CAMKK2: variants seen among roughly 807,000 people sequenced by gnomAD.
CAMKK2 encodes the protein calcium/calmodulin dependent protein kinase kinase 2.
A neutral mutation model predicts 67.2 loss-of-function variants in CAMKK2; 30 were observed. The ratio of observed to expected loss-of-function variants is 0.45; its 90% CI spans 0.33 to 0.61. CAMKK2 has a LOEUF of 0.61. CAMKK2 is among the 20% of genes least tolerant of loss of function. The pLI, the probability that CAMKK2 is intolerant of heterozygous loss-of-function variation, is 0.02. For synonymous variants in CAMKK2, 322 were observed against 326.2 expected, an observed-to-expected ratio of 0.99 and a Z score of 0.14; for missense variants, 643 against 802.0, an observed-to-expected ratio of 0.80 and a Z score of 2.39.
chr12:121,252,034 G>A (rs367794113), intron 11 of CAMKK2, among the ~76,000 whole-genome samples: 73 of 152,252 alleles, frequency 4.8e-4, no homozygotes, highest in Middle Eastern at 3.4e-3. Flanking sequence ...CAGGAGGAAC[G>A]AGCACAGTTA....
intron 1 of CAMKK2, among the ~76,000 whole-genome samples, chr12:121,281,646 A>G (rs1409267653): frequency 6.6e-6 from 1 of 152,228 alleles, no homozygotes; most frequent in Non-Finnish European, 1.5e-5. Context: ...GGGGACCAAC[A>G]TTTAAAAGTA....
chr12:121,255,687 T>C (rs1359303360), intron 8 of CAMKK2, 49 bp from the exon 9 acceptor site: 1 of 1,608,890 alleles, frequency 6.2e-7, no homozygotes, highest in Admixed American at 1.7e-5. Flanking sequence ...CGCCAGCCCT[T>C]GCCCTCTCTC....
intron 1 of CAMKK2, among the ~76,000 whole-genome samples, chr12:121,280,776 G>A (rs1897629242): frequency 6.6e-6 from 1 of 152,086 alleles, no homozygotes; most frequent in Admixed American, 6.6e-5. Context: ...ATTAGGAAGG[G>A]GAAATTCCCA....
At position 121,237,759 on chromosome 12, in the gene CAMKK2, G is replaced by A. The variant is rs199798791; in HGVS notation, c.*2940C>T. 2 of 152,554 alleles carry A rather than the reference G, an allele frequency of 1.3e-5. No individual in the cohort carries two copies. Among genetic ancestry groups the A allele is most frequent in the East Asian group, 1.9e-4 (1 of 5,200 alleles). The allele number at this position is 152,554 out of a possible 1,614,324, so 9.5% of individuals were successfully genotyped here. A position where few individuals can be genotyped will look rare whatever the true frequency, so the allele number is the denominator to read the frequency against. Reference sequence around the variant, plus strand: ...AGCTTAAACACCTGTGGAAAAACACGAAAGGCTTAGTTGTCTCTTAAGTTC... The same window carrying A: ...AGCTTAAACACCTGTGGAAAAACACAAAAGGCTTAGTTGTCTCTTAAGTTC... On this transcript the variant is annotated 3_prime_UTR_variant, in exon 17 of 17. Transcript: ENST00000404169. The surrounding 1 kb of genome is among the most constrained non-coding windows in gnomAD (Gnocchi z 4.5).
At chr12:121,271,355 A>G (rs1895728954) in intron 2 of CAMKK2, among the ~76,000 whole-genome samples, 1 of 151,512 alleles carries the variant, frequency 6.6e-6, no homozygotes. Context: ...CAAATCAAGA[A>G]AGAGAACATC....
Position 121,285,627 on chromosome 12 carries a change from G to A in CAMKK2, c.-60+11011C>T, listed in dbSNP as rs955554180. Among the ~76,000 whole-genome samples the A allele has an allele frequency of 1.3e-5, 2 of 152,094 alleles. No individual in the cohort carries two copies. The highest frequency in any genetic ancestry group is 2.9e-5 in the Non-Finnish European group (2 of 68,010). ...AGTTTGAGACCAGCCTGGGCAACAT[G>A]GCGAGACCTCATCGCTACAAAAATA... On this transcript the variant is annotated intron_variant, in intron 1 of 16. Coordinates refer to ENST00000404169, the MANE Select transcript of CAMKK2 (RefSeq NM_001270485.2). The surrounding 1 kb of genome is among the most constrained non-coding windows in gnomAD (Gnocchi z 4.1).
chr12:121,246,855 A>G (rs1355637315), intron 14 of CAMKK2, among the ~76,000 whole-genome samples: 1 of 128,896 alleles, frequency 7.8e-6, no homozygotes, highest in Non-Finnish European at 1.6e-5. Flanking sequence ...GAGAGCAGGC[A>G]CTGGGCTAAG....
chr12:121,283,491 C>G (rs1411200573), intron 1 of CAMKK2, among the ~76,000 whole-genome samples: 1 of 152,160 alleles, frequency 6.6e-6, no homozygotes, highest in Non-Finnish European at 1.5e-5. Context: ...TGTGTGACAT[C>G]TGGCCACCGA....
At chr12:121,292,088 A>C (rs1442850167) in intron 1 of CAMKK2, among the ~76,000 whole-genome samples, 1 of 151,960 alleles carries the variant, frequency 6.6e-6, no homozygotes, top group Non-Finnish European at 1.5e-5. Context: ...AACAAAATAA[A>C]ATAAAATGGT....
At chr12:121,295,450 G>A (rs1788702606) in intron 1 of CAMKK2, among the ~76,000 whole-genome samples, 1 of 152,104 alleles carries the variant, frequency 6.6e-6, no homozygotes, top group Non-Finnish European at 1.5e-5. Context: ...GAAGAGGGTG[G>A]CTAACTCCCC....
rs1416620736 is a variant in CAMKK2, at chr12:121,245,926, T to C, written c.1453-686A>G. Among the ~76,000 whole-genome samples the C allele has an allele frequency of 6.6e-6, 1 of 152,076 alleles. No homozygotes were observed. Among genetic ancestry groups the C allele is most frequent in the African/African-American group, 2.4e-5 (1 of 41,406 alleles). ...TGTGCAATGGAACATGATTCAGCCATAAGGAGTGAAGCACTGATCCATGCT... is the reference window on the plus strand; with the variant it reads ...TGTGCAATGGAACATGATTCAGCCACAAGGAGTGAAGCACTGATCCATGCT... On this transcript the variant is annotated intron_variant, in intron 14 of 16. Coordinates refer to ENST00000404169, the MANE Select transcript of CAMKK2 (RefSeq NM_001270485.2). The surrounding 1 kb of genome is among the most constrained non-coding windows in gnomAD (Gnocchi z 5.8).
At chr12:121,244,116 C>T (rs201435474) in intron 16 of CAMKK2, 96 of 1,611,948 alleles carry the variant, frequency 6.0e-5, no homozygotes, top group Non-Finnish European at 8.1e-5. Context: ...AGGAAGGGGA[C>T]TTATTTTCTA....
In CAMKK2 at chr12:121,253,596, C is replaced by A. The variant is rs1891247642; in HGVS notation, c.908-124G>T. ...TCTGATGCCTTGTCTCCCACAGCCCCAGGCCTTTTCCAACCTTCCACTCCC... is the reference window on the plus strand; with the variant it reads ...TCTGATGCCTTGTCTCCCACAGCCCAAGGCCTTTTCCAACCTTCCACTCCC... On this transcript the variant is annotated intron_variant, in intron 9 of 16. Transcript: ENST00000404169. This position sits in a 1 kb window ranked among gnomAD's most constrained non-coding sequence, Gnocchi z 5.0. 2 of 804,382 alleles carry A rather than the reference C, an allele frequency of 2.5e-6. No homozygotes were observed. The highest frequency in any genetic ancestry group is 4.1e-6 in the Non-Finnish European group (2 of 481,958). 49.8% of individuals were successfully genotyped at this position (804,382 alleles called of 1,614,324 possible).
intron 5 of CAMKK2, among the ~76,000 whole-genome samples, chr12:121,265,172 C>T (rs189574119): frequency 3.5e-4 from 54 of 152,252 alleles, no homozygotes; most frequent in Admixed American, 3.9e-4. Context: ...CGATGGCACA[C>T]ATCCCATGTA....
At chr12:121,267,944 A>C (rs1894946893) in intron 5 of CAMKK2, among the ~76,000 whole-genome samples, 1 of 151,744 alleles carries the variant, frequency 6.6e-6, no homozygotes, top group Non-Finnish European at 1.5e-5. Flanking sequence ...TGGGTATTTC[A>C]CATAAACAGA....
At chr12:121,265,069 A>C (rs1479441506) in intron 5 of CAMKK2, among the ~76,000 whole-genome samples, 1 of 152,204 alleles carries the variant, frequency 6.6e-6, no homozygotes, top group African/African-American at 2.4e-5. Flanking sequence ...ACAAAAGGCT[A>C]TCTAGAAAGG....
intron 6 of CAMKK2, among the ~76,000 whole-genome samples, chr12:121,261,210 T>C (rs1293146129): frequency 6.6e-6 from 1 of 152,108 alleles, no homozygotes; most frequent in African/African-American, 2.4e-5. Flanking sequence ...GCCCAGGGAA[T>C]ATCTGATGAA....
intron 6 of CAMKK2, among the ~76,000 whole-genome samples, chr12:121,263,319 G>A (rs1760455462): frequency 6.6e-6 from 1 of 152,152 alleles, no homozygotes. Flanking sequence ...ATGTTGGCCA[G>A]GCTGGTCTCA....
intron 7 of CAMKK2, among the ~76,000 whole-genome samples, chr12:121,258,742 G>A (rs1031753239): frequency 1.1e-4 from 16 of 151,916 alleles, no homozygotes; most frequent in Admixed American, 3.9e-4. Context: ...AGCAGATCAC[G>A]AAACTCTTCT....
Sources: gnomAD v4.1 joint callset for allele counts (sites outside exome capture counted in the v4.1 genomes callset) on GRCh38, gnomAD v4.1.1 for gene constraint, Gnocchi (gnomAD v3.1) non-coding constraint, MANE v1.5 for transcripts, NCBI Gene and HGNC (gene_info 2026-07-23, HGNC 2026-07-21) for gene names.